MGAT5B: variants seen among roughly 807,000 people sequenced by gnomAD.
MGAT5B encodes the protein N-acetylglucosaminyl-transferase Vb.
Under a neutral mutation model 95.1 loss-of-function variants are expected in MGAT5B, and 54 were observed. The ratio of observed to expected loss-of-function variants is 0.57; its 90% CI spans 0.46 to 0.71. The LOEUF (loss-of-function observed/expected upper bound fraction) is 0.71. Among genes scored for constraint, MGAT5B ranks in the 30% least tolerant of loss-of-function variants. The pLI is 0.00. For missense variants in MGAT5B, 935 were observed against 1,088.6 expected (o/e 0.86, Z 1.99); for synonymous variants, 464 against 451.0 (o/e 1.03, Z -0.36).
intron 8 of MGAT5B, chr17:76,924,221 C>T (rs1310788378): frequency 6.6e-6 from 1 of 152,242 alleles, no homozygotes; most frequent in African/African-American, 2.4e-5. Flanking sequence ...GGGGTGTGGT[C>T]ATGTCCTTCC....
intron 3 of MGAT5B, among the ~76,000 whole-genome samples, chr17:76,884,672 C>T (rs1321482986): frequency 1.3e-5 from 2 of 150,218 alleles, no homozygotes; most frequent in African/African-American, 2.5e-5. Context: ...GGCATGATCT[C>T]GGCTCACTGC....
intron 2 of MGAT5B, among the ~76,000 whole-genome samples, chr17:76,875,653 C>CTT (rs547158669): frequency 0.1 from 6,892 of 66,606 alleles, 1,193 homozygotes; most frequent in South Asian, 0.2. Flanking sequence ...GTCACTTGCA[C>CTT]TTTTTTTTTT....
chr17:76,882,079 C>T, intron 2 of MGAT5B, 72 bp from the exon 3 acceptor site: 1 of 1,505,592 alleles, frequency 6.6e-7, no homozygotes, highest in Non-Finnish European at 9.0e-7. Flanking sequence ...GTCTGAGCTG[C>T]CCCAGCTCGG....
chr17:76,908,016 C>A (rs1968594235), intron 8 of MGAT5B, among the ~76,000 whole-genome samples: 1 of 152,134 alleles, frequency 6.6e-6, no homozygotes. Flanking sequence ...TAAGGGTTAT[C>A]ATTTTCATAT....
chr17:76,921,450 C>G (rs35081374), intron 8 of MGAT5B, among the ~76,000 whole-genome samples: 90,462 of 151,430 alleles, frequency 0.6, 27,109 homozygotes, highest in Non-Finnish European at 0.61. Flanking sequence ...CAGCAGGGGG[C>G]CCCTTTTCCT....
intron 6 of MGAT5B, 81 bp downstream of exon 6, chr17:76,904,503 C>A (rs535136): frequency 0.13 from 191,488 of 1,443,716 alleles, 20,346 homozygotes; most frequent in African/African-American, 0.5. Flanking sequence ...AACCTCTGTC[C>A]TGAGGGAATG....
rs576330698 is a variant in MGAT5B at position 76,916,025 on chromosome 17, G to A, written c.1026-8941G>A. On this transcript the variant is annotated intron_variant, in intron 8 of 17. Transcript: ENST00000569840. The surrounding 1 kb of genome is among the most constrained non-coding windows in gnomAD (Gnocchi z 5.3). ...GAGGGAGCAGGCGCCGGCATGCCGA[G>A]TGTGGCGGGGTCACGTTGAGTGCCG... is the stretch of plus-strand genomic sequence containing the variant. Among the ~76,000 whole-genome samples the A allele has an allele frequency of 2.0e-5, 3 of 152,352 alleles. No homozygotes were observed. Among genetic ancestry groups the A allele is most frequent in the East Asian group, 3.9e-4 (2 of 5,172 alleles).
chr17:76,913,882 G>A lies in MGAT5B; in HGVS notation c.1025+7695G>A, dbSNP rs184403764. 1.0e-3 allele frequency: 445 copies of A among 430,526 alleles called. 3 individuals carry two copies. The highest frequency in any genetic ancestry group is 7.7e-3 in the African/African-American group (383 of 49,646). 26.7% of individuals were successfully genotyped at this position (430,526 alleles called of 1,614,324 possible). ...TCCCAGCACTTTGGGAGGTCACGGCGGGAGGATTGCTTGATTCCAGGAGTT... is the reference window on the plus strand; with the variant it reads ...TCCCAGCACTTTGGGAGGTCACGGCAGGAGGATTGCTTGATTCCAGGAGTT... On this transcript the variant is annotated intron_variant, in intron 8 of 17. Coordinates refer to ENST00000569840, the MANE Select transcript of MGAT5B (RefSeq NM_001199172.2).
chr17:76,940,722 C>T lies in MGAT5B; in HGVS notation c.1732-10C>T, dbSNP rs764905582. The stretch of plus-strand genomic sequence containing the variant: ...ACGGGGGGCATCTGCAATCTCTGTA[C>T]CCTTGCCAGGTGTTCTCCCAGCATC... On this transcript the variant is annotated splice_polypyrimidine_tract_variant and intron_variant, in intron 14 of 17. Transcript: ENST00000569840. The surrounding 1 kb of genome is among the most constrained non-coding windows in gnomAD (Gnocchi z 4.3). 2.3e-5 allele frequency: 37 copies of T among 1,613,544 alleles called. No homozygotes were observed. Among genetic ancestry groups the T allele is most frequent in the Non-Finnish European group, 3.1e-5 (36 of 1,179,700 alleles).
chr17:76,938,105 C>T lies in MGAT5B; in HGVS notation c.1546C>T (p.Pro516Ser), dbSNP rs1382823693. ...PAFVKNHGLL[P>S]QPEFQQLLRK... The stretch of plus-strand genomic sequence containing the variant: ...CTTTGTGAAGAACCACGGCCTCTTA[C>T]CGCAGCCTGAGTTTCAGCAGCTGCT... Residue 516 changes from proline (P) to serine (S), a missense_variant, in exon 13 of 18, where the codon CCG becomes TCG. Coordinates refer to ENST00000569840, the MANE Select transcript of MGAT5B (RefSeq NM_001199172.2). This position sits in a 1 kb window ranked among gnomAD's most constrained non-coding sequence, Gnocchi z 4.3. The T allele has an allele frequency of 3.1e-6, 5 of 1,614,132 alleles. No individual in the cohort carries two copies. The highest frequency in any genetic ancestry group is 4.2e-6 in the Non-Finnish European group (5 of 1,180,050).
At chr17:76,942,262 T>C (rs1969884891) in intron 15 of MGAT5B, among the ~76,000 whole-genome samples, 1 of 152,092 alleles carries the variant, frequency 6.6e-6, no homozygotes, top group African/African-American at 2.4e-5. Flanking sequence ...GAGCAGGGGC[T>C]CACACCTGTA....
Position 76,930,048 on chromosome 17 carries a change from G to A in MGAT5B, c.1292-2597G>A, listed in dbSNP as rs1203476640. Among the ~76,000 whole-genome samples the A allele has an allele frequency of 1.3e-5, 2 of 152,068 alleles. No individual in the cohort carries two copies. Among genetic ancestry groups the A allele is most frequent in the Non-Finnish European group, 1.5e-5 (1 of 68,014 alleles). On this transcript the variant is annotated intron_variant, in intron 10 of 17. Transcript: ENST00000569840. This position sits in a 1 kb window ranked among gnomAD's most constrained non-coding sequence, Gnocchi z 4.1. ...TGGTGCCGGACAGGTAAACAGGGTC[G>A]GGCAGGGGCTGCTTTGCCTGGCATG... is the stretch of plus-strand genomic sequence containing the variant.
rs146284892 is a variant in MGAT5B at position 76,948,755 on chromosome 17, G to A, written c.2296G>A (p.Gly766Ser). 7 of 1,611,174 alleles carry A rather than the reference G, an allele frequency of 4.3e-6. No homozygotes were observed. Among genetic ancestry groups the A allele is most frequent in the East Asian group, 2.2e-5 (1 of 44,792 alleles). Reference protein sequence around the residue: ...QKEPLLFSCAGSNTKYRRLCP... With the variant: ...QKEPLLFSCASSNTKYRRLCP... ...GGAGCCTCTGCTCTTCAGCTGCGCC[G>A]GCTCCAACACCAAGTACCGCCGGCT... Residue 766 changes from glycine (G) to serine (S), a missense_variant, in exon 18 of 18, where the codon GGC becomes AGC. Coordinates refer to ENST00000569840, the MANE Select transcript of MGAT5B (RefSeq NM_001199172.2).
Position 76,940,327 on chromosome 17 carries a change from G to T in MGAT5B, c.1585-75G>T. On this transcript the variant is annotated intron_variant, in intron 13 of 17. Coordinates refer to ENST00000569840, the MANE Select transcript of MGAT5B (RefSeq NM_001199172.2). This position sits in a 1 kb window ranked among gnomAD's most constrained non-coding sequence, Gnocchi z 4.3. ...TGTGAATATCCCGAAGCCTCACCTT[G>T]TCCCCGGCATCCTGGTGCTTACTGG... The T allele has an allele frequency of 6.8e-7, 1 of 1,477,544 alleles. No homozygotes were observed. Among genetic ancestry groups the T allele is most frequent in the Non-Finnish European group, 9.0e-7 (1 of 1,111,364 alleles). 91.5% of individuals were successfully genotyped at this position (1,477,544 alleles called of 1,614,324 possible).
rs1483557306 is a variant in MGAT5B at position 76,948,674 on chromosome 17, A to T, written c.2215A>T (p.Met739Leu). 1 of 1,613,342 alleles carries T rather than the reference A, an allele frequency of 6.2e-7. No homozygotes were observed. The highest frequency in any genetic ancestry group is 2.2e-5 in the East Asian group (1 of 44,844). Residue 739 changes from methionine to leucine, a missense_variant, in exon 18 of 18, where the codon ATG becomes TTG. Coordinates refer to ENST00000569840, the MANE Select transcript of MGAT5B (RefSeq NM_001199172.2). Reference sequence around the variant, plus strand: ...GCCCTGTGACAGCACCGAGTCGGAGATGAACCACCTGTACCCGGCGTTCGC... The same window carrying T: ...GCCCTGTGACAGCACCGAGTCGGAGTTGAACCACCTGTACCCGGCGTTCGC... ...QVPCDSTESE[M>L]NHLYPAFAQP...
rs771949474 is a variant in MGAT5B, at chr17:76,916,012, G to A, written c.1026-8954G>A. ...GTAAGGGGACAGAGAGGGAGCAGGC[G>A]CCGGCATGCCGAGTGTGGCGGGGTC... is the stretch of plus-strand genomic sequence containing the variant. On this transcript the variant is annotated intron_variant, in intron 8 of 17. Coordinates refer to ENST00000569840, the MANE Select transcript of MGAT5B (RefSeq NM_001199172.2). The surrounding 1 kb of genome is among the most constrained non-coding windows in gnomAD (Gnocchi z 5.3). Among the ~76,000 whole-genome samples, 17 of 152,204 alleles carry A rather than the reference G, an allele frequency of 1.1e-4. No individual in the cohort carries two copies. Among genetic ancestry groups the A allele is most frequent in the African/African-American group, 1.4e-4 (6 of 41,462 alleles).
At chr17:76,881,065 T>C (rs1967393096) in intron 2 of MGAT5B, among the ~76,000 whole-genome samples, 1 of 151,880 alleles carries the variant, frequency 6.6e-6, no homozygotes, top group Non-Finnish European at 1.5e-5. Flanking sequence ...AGGAGCTGAG[T>C]TGCGGATTTT....
chr17:76,920,088 A>G (rs62077164), intron 8 of MGAT5B, among the ~76,000 whole-genome samples: 20,655 of 152,132 alleles, frequency 0.14, 1,513 homozygotes, highest in East Asian at 0.24. Flanking sequence ...ACTCAGAAAT[A>G]TATTCTAACC....
Position 76,870,717 on chromosome 17 carries a change from G to T in MGAT5B, c.68+1620G>T, listed in dbSNP as rs1422564839. Among the ~76,000 whole-genome samples, 9 of 152,030 alleles carry T rather than the reference G, an allele frequency of 5.9e-5. No homozygotes were observed. Among genetic ancestry groups the T allele is most frequent in the Admixed American group, 1.3e-4 (2 of 15,282 alleles). On this transcript the variant is annotated intron_variant, in intron 1 of 17. Coordinates refer to ENST00000569840, the MANE Select transcript of MGAT5B (RefSeq NM_001199172.2). This position sits in a 1 kb window ranked among gnomAD's most constrained non-coding sequence, Gnocchi z 5.0. Reference sequence around the variant, plus strand: ...GTCTCCCTGGGCTGCCCGGAGACCCGCAGCCATCAGTGAGTCCCTTCAGTT... The same window carrying T: ...GTCTCCCTGGGCTGCCCGGAGACCCTCAGCCATCAGTGAGTCCCTTCAGTT...
Sources: allele counts gnomAD v4.1 joint callset (sites outside exome capture counted in the v4.1 genomes callset), GRCh38; gene constraint gnomAD v4.1.1; non-coding constraint Gnocchi (gnomAD v3.1); transcripts MANE v1.5; gene names NCBI Gene and HGNC (gene_info 2026-07-23, HGNC 2026-07-21).